The following LIMCH1 variants were observed in gnomAD, a reference collection of about 807,000 sequenced individuals.
LIMCH1 encodes the protein LIM and calponin homology domains-containing protein 1.
Under a neutral mutation model 176.5 loss-of-function variants are expected in LIMCH1, and 113 were observed. The observed-to-expected ratio is 0.64, with a 90% confidence interval of 0.55 to 0.75. The LOEUF is 0.75. LIMCH1 is among the 30% of genes least tolerant of loss of function. LIMCH1 has a pLI of 0.00. For missense variants in LIMCH1, 1,674 were observed against 1,814.9 expected (o/e 0.92, Z 1.41); for synonymous variants, 619 against 645.9 (o/e 0.96, Z 0.63).
chr4:41,583,157 G>A (rs1037552603), intron 1 of LIMCH1, among the ~76,000 whole-genome samples: 1 of 152,112 alleles, frequency 6.6e-6, no homozygotes, highest in Admixed American at 6.6e-5. Flanking sequence ...GCACACTTAG[G>A]GCTAGGTTGT....
At chr4:41,377,741 G>A (rs563172456) in intron 1 of LIMCH1, among the ~76,000 whole-genome samples, 5 of 152,322 alleles carry the variant, frequency 3.3e-5, no homozygotes, top group East Asian at 3.9e-4. Flanking sequence ...TAGTGGAGAC[G>A]CTGCAGAATC....
chr4:41,583,433 T>G (rs2085882586), intron 1 of LIMCH1, among the ~76,000 whole-genome samples: 1 of 152,252 alleles, frequency 6.6e-6, no homozygotes. Context: ...TTGCCAAGAA[T>G]GTGCTAGGTG....
Position 41,633,559 on chromosome 4 carries a change from T to C in LIMCH1, c.1841T>C (p.Leu614Pro), listed in dbSNP as rs1434704246. Residue 614 changes from leucine to proline, a missense_variant, in exon 13 of 32, where the codon CTG (leucine) becomes CCG (proline). Leu to Pro is a moderately conservative substitution (Grantham distance 98). Coordinates refer to ENST00000503057, the MANE Select transcript of LIMCH1 (RefSeq NM_001330672.2). ...EDSSQPLVCP[L>P]ASECEASGTE... is the part of the protein sequence containing the mutation. ...GAATGTTGCCCTAGGGTGTGTCCTC[T>C]GGCCTCTGAGTGTGAGGCTTCAGGG... 5.2e-6 allele frequency: 8 copies of C among 1,536,142 alleles called. No homozygotes were observed. The highest frequency in any genetic ancestry group is 7.0e-6 in the Non-Finnish European group (8 of 1,146,924).
intron 31 of LIMCH1, among the ~76,000 whole-genome samples, chr4:41,693,929 A>T (rs1314249563): frequency 2.6e-5 from 4 of 152,198 alleles, no homozygotes; most frequent in African/African-American, 9.6e-5. Flanking sequence ...CCTCTGGGTG[A>T]CAGTGACCTC....
At chr4:41,678,892 C>A (rs1713344000) in intron 23 of LIMCH1, among the ~76,000 whole-genome samples, 1 of 152,170 alleles carries the variant, frequency 6.6e-6, no homozygotes, top group African/African-American at 2.4e-5. Context: ...TTAAGGTCTC[C>A]TTCCTGTGCC....
At chr4:41,637,171 G>T (rs2093628090) in intron 13 of LIMCH1, among the ~76,000 whole-genome samples, 1 of 116,410 alleles carries the variant, frequency 8.6e-6, no homozygotes, top group Non-Finnish European at 1.9e-5. Flanking sequence ...TATTGCCCTT[G>T]CACTCCTTTT....
chr4:41,580,407 T>A (rs893276243), intron 1 of LIMCH1, among the ~76,000 whole-genome samples: 2 of 152,060 alleles, frequency 1.3e-5, no homozygotes, highest in Non-Finnish European at 2.9e-5. Flanking sequence ...TTGCAAATTA[T>A]GAAACACACT....
chr4:41,559,618 C>T (rs2081792463), intron 1 of LIMCH1, among the ~76,000 whole-genome samples: 2 of 152,150 alleles, frequency 1.3e-5, no homozygotes, highest in African/African-American at 4.8e-5. Context: ...ACATCTTAAG[C>T]TCGTACCAGC....
At chr4:41,522,614 G>A (rs2076232372) in intron 2 of LIMCH1, among the ~76,000 whole-genome samples, 1 of 152,194 alleles carries the variant, frequency 6.6e-6, no homozygotes, top group Non-Finnish European at 1.5e-5. Context: ...ATTTAAAAAT[G>A]TGGCTTTGGA....
intron 1 of LIMCH1, among the ~76,000 whole-genome samples, chr4:41,490,095 C>G (rs911168301): frequency 2.0e-5 from 3 of 151,872 alleles, no homozygotes; most frequent in Non-Finnish European, 2.9e-5. Flanking sequence ...GGGTTGGTCT[C>G]GCTGTCTCAG....
At chr4:41,681,697 A>T (rs1426846600) in intron 25 of LIMCH1, among the ~76,000 whole-genome samples, 3 of 152,172 alleles carry the variant, frequency 2.0e-5, no homozygotes, top group African/African-American at 7.2e-5. Context: ...TAATAAAAAA[A>T]ACTAATGCAT....
intron 8 of LIMCH1, among the ~76,000 whole-genome samples, chr4:41,628,626 T>C (rs890665200): frequency 1.3e-5 from 2 of 152,186 alleles, no homozygotes; most frequent in Admixed American, 6.5e-5. Flanking sequence ...TATTTATATA[T>C]TTTTTGAGAT....
At chr4:41,664,546 G>A (rs2094755245) in intron 20 of LIMCH1, among the ~76,000 whole-genome samples, 1 of 152,196 alleles carries the variant, frequency 6.6e-6, no homozygotes, top group Non-Finnish European at 1.5e-5. Flanking sequence ...GAGGCAGGCA[G>A]AATTTCCCAC....
chr4:41,616,560 G>A (rs1012196542), intron 5 of LIMCH1, among the ~76,000 whole-genome samples: 42 of 151,438 alleles, frequency 2.8e-4, no homozygotes, highest in Admixed American at 1.8e-3. Flanking sequence ...ATAAAATAAA[G>A]AAAATCATCA....
intron 1 of LIMCH1, among the ~76,000 whole-genome samples, chr4:41,435,410 A>ACCCCTGG (rs2061985109): frequency 6.6e-6 from 1 of 152,214 alleles, no homozygotes; most frequent in South Asian, 2.1e-4. Context: ...CAGCCCTGCC[A>ACCCCTGG]ACATCTGGAC....
At chr4:41,539,393 A>C (rs1268824534) in intron 1 of LIMCH1, among the ~76,000 whole-genome samples, 1 of 152,166 alleles carries the variant, frequency 6.6e-6, no homozygotes, top group Non-Finnish European at 1.5e-5. Flanking sequence ...GAGAGGCTGC[A>C]AGTGTCAGCA....
At position 41,517,603 on chromosome 4, in the gene LIMCH1, G is replaced by A. The variant is rs76364325; in HGVS notation, c.168-6806G>A. Among the ~76,000 whole-genome samples, 183 of 152,132 alleles carry A rather than the reference G, an allele frequency of 1.2e-3. 5 individuals carry two copies. In the East Asian group the frequency reaches 0.032, roughly 27 times the overall value. ...TTGGTAGATATTGATGGCAGCTTGC[G>A]TTCCAACACTCTTGTTCATTTGAAA... On this transcript the variant is annotated intron_variant, in intron 2 of 26. Coordinates refer to the LIMCH1 transcript ENST00000313860.
chr4:41,428,987 G>A (rs1387508442), intron 1 of LIMCH1, among the ~76,000 whole-genome samples: 10 of 152,066 alleles, frequency 6.6e-5, no homozygotes, highest in South Asian at 2.1e-4. Flanking sequence ...TTACTCTTTC[G>A]AAGTTGCCTG....
chr4:41,614,527 G>A (rs953509401), intron 5 of LIMCH1, among the ~76,000 whole-genome samples: 2 of 152,086 alleles, frequency 1.3e-5, no homozygotes, highest in African/African-American at 4.8e-5. Flanking sequence ...GCTATATCTA[G>A]CTAATATATC....
Sources: allele counts gnomAD v4.1 joint callset (sites outside exome capture counted in the v4.1 genomes callset), GRCh38; gene constraint gnomAD v4.1.1; transcripts MANE v1.5; gene names NCBI Gene and HGNC (gene_info 2026-07-23, HGNC 2026-07-21).